Variants in SLC35F3 observed in about 807,000 individuals in gnomAD.
SLC35F3 encodes the protein putative thiamine transporter SLC35F3.
SLC35F3 carries 25 observed loss-of-function variants against 49.9 expected under a neutral mutation model. The ratio of observed to expected loss-of-function variants is 0.50; its 90% confidence interval spans 0.37 to 0.70. SLC35F3 has a LOEUF of 0.70. SLC35F3 is among the 30% of genes least tolerant of loss of function. SLC35F3 has a pLI of 0.00. For synonymous variants in SLC35F3, 275 were observed against 265.4 expected, an observed-to-expected ratio of 1.04 and a Z score of -0.35; for missense variants, 525 against 639.8, an observed-to-expected ratio of 0.82 and a Z score of 1.94.
chr1:234,149,286 T>C (rs1474628988), intron 2 of SLC35F3, among the ~76,000 whole-genome samples: 2 of 152,272 alleles, frequency 1.3e-5, no homozygotes, highest in South Asian at 2.1e-4. Context: ...GGTAGGAAAT[T>C]AGACAAAGTG....
chr1:234,159,534 A>G (rs1666197490), intron 2 of SLC35F3, among the ~76,000 whole-genome samples: 1 of 152,054 alleles, frequency 6.6e-6, no homozygotes, highest in Non-Finnish European at 1.5e-5. Flanking sequence ...CCGAGATCAC[A>G]CCACTGCACT....
chr1:233,933,097 A>G (rs2102794753), intron 2 of SLC35F3, among the ~76,000 whole-genome samples: 1 of 151,514 alleles, frequency 6.6e-6, no homozygotes, highest in Non-Finnish European at 1.5e-5. Flanking sequence ...TATATGCTAT[A>G]CCATTCCTTG....
intron 2 of SLC35F3, 106 bp downstream of exon 2, chr1:233,905,864 C>A: frequency 9.4e-7 from 1 of 1,058,638 alleles, no homozygotes; most frequent in Non-Finnish European, 1.4e-6. Flanking sequence ...CACCCCCTCC[C>A]GCCCTGCCTG....
intron 2 of SLC35F3, among the ~76,000 whole-genome samples, chr1:234,171,972 C>T (rs913645343): frequency 2.6e-5 from 4 of 152,120 alleles, no homozygotes; most frequent in Non-Finnish European, 5.9e-5. Context: ...GCCCTACTTC[C>T]CCAACCCCAG....
At chr1:233,998,022 G>C (rs1029473295) in intron 2 of SLC35F3, among the ~76,000 whole-genome samples, 2 of 152,126 alleles carry the variant, frequency 1.3e-5, no homozygotes, top group Admixed American at 1.3e-4. Flanking sequence ...AAAGTGCTGG[G>C]ATTATAGGAG....
chr1:234,173,044 C>T (rs998503725), intron 2 of SLC35F3, among the ~76,000 whole-genome samples: 1 of 152,104 alleles, frequency 6.6e-6, no homozygotes, highest in African/African-American at 2.4e-5. Context: ...GATAACAGAC[C>T]TATTCAGATT....
chr1:233,912,537 CT>C (rs1405784142), intron 2 of SLC35F3, among the ~76,000 whole-genome samples: 2 of 152,146 alleles, frequency 1.3e-5, no homozygotes. Context: ...AATAGAACTA[CT>C]TTCTAGGATT....
At position 233,965,032 on chromosome 1, in the gene SLC35F3, C is replaced by T. The variant is rs183093625; in HGVS notation, c.283+59274C>T. Among the ~76,000 whole-genome samples, 22 of 152,232 alleles carry T rather than the reference C, an allele frequency of 1.4e-4. No homozygotes were observed. The East Asian group carries it at 4.2e-3, about 29-fold the overall frequency. On this transcript the variant is annotated intron_variant, in intron 2 of 7. Transcript: ENST00000366618. ...GTTGTCATTGCAATTGGACTCAGAACATTAGGGGCCTGGAGAAAGAAATAC... is the reference window on the plus strand; with the variant it reads ...GTTGTCATTGCAATTGGACTCAGAATATTAGGGGCCTGGAGAAAGAAATAC...
At chr1:234,236,925 T>TTTTATA (rs1553317673) in intron 3 of SLC35F3, among the ~76,000 whole-genome samples, 8 of 96,294 alleles carry the variant, frequency 8.3e-5, no homozygotes, top group East Asian at 5.2e-4. Context: ...AAAAAAAAAA[T>TTTTATA]TATATATATA....
chr1:234,257,853 C>A (rs1054950502), intron 3 of SLC35F3, among the ~76,000 whole-genome samples: 16 of 152,178 alleles, frequency 1.1e-4, no homozygotes, highest in African/African-American at 3.9e-4. Flanking sequence ...GGAGATTTAA[C>A]AAGCATTCCT....
rs747006467 is a variant in SLC35F3 at position 234,152,211 on chromosome 1, C to CATTATTATTATTGTT, written c.284-79194_284-79193insGTTATTATTATTATT. Among the ~76,000 whole-genome samples the CATTATTATTATTGTT allele has an allele frequency of 3.4e-3, 484 of 142,614 alleles. 3 individuals are homozygous for CATTATTATTATTGTT. The highest frequency in any genetic ancestry group is 0.014 in the South Asian group (62 of 4,556). The allele number at this position is 142,614 out of a possible 152,430, so 93.6% of individuals were successfully genotyped here. A position where few individuals can be genotyped will look rare whatever the true frequency, so the allele number is the denominator to read the frequency against. On this transcript the variant is annotated intron_variant, in intron 2 of 7. Transcript: ENST00000366618. ...GCAGTGCTAAAAGAAAATGGAGTAA[C>CATTATTATTATTGTT]ATTATTATTATTATTGTTATTATTA...
chr1:234,208,167 A>C (rs550995996), intron 2 of SLC35F3, among the ~76,000 whole-genome samples: 1 of 152,352 alleles, frequency 6.6e-6, no homozygotes, highest in East Asian at 1.9e-4. Flanking sequence ...TTCAAACTCA[A>C]GATGTTGGCT....
chr1:234,008,478 T>A (rs1261175606), intron 2 of SLC35F3, among the ~76,000 whole-genome samples: 4 of 152,196 alleles, frequency 2.6e-5, no homozygotes, highest in African/African-American at 9.6e-5. Context: ...TTTTCTCTTC[T>A]TTTTGTCCTT....
intron 2 of SLC35F3, among the ~76,000 whole-genome samples, chr1:234,224,846 T>C (rs774228459): frequency 2.6e-5 from 4 of 152,258 alleles, no homozygotes; most frequent in Non-Finnish European, 5.9e-5. Context: ...ATGTAACATC[T>C]ACTGGCAGAG....
At chr1:234,233,665 C>T (rs1489887625) in intron 3 of SLC35F3, among the ~76,000 whole-genome samples, 1 of 152,236 alleles carries the variant, frequency 6.6e-6, no homozygotes, top group Non-Finnish European at 1.5e-5. Flanking sequence ...ACCTTGATTT[C>T]AACCTATTGT....
intron 3 of SLC35F3, chr1:234,285,193 A>G (rs753459132): frequency 1.1e-5 from 4 of 368,684 alleles, no homozygotes; most frequent in Non-Finnish European, 2.1e-5. Flanking sequence ...CACTACGTGT[A>G]GACTCATGCA....
intron 6 of SLC35F3, among the ~76,000 whole-genome samples, chr1:234,319,849 C>T (rs958548859): frequency 1.3e-5 from 2 of 152,188 alleles, no homozygotes; most frequent in Non-Finnish European, 2.9e-5. Context: ...TCAGTGGTTA[C>T]CATTTCCAAA....
chr1:234,321,679 C>A (rs771305567), intron 7 of SLC35F3, among the ~76,000 whole-genome samples: 3 of 152,102 alleles, frequency 2.0e-5, no homozygotes, highest in Non-Finnish European at 4.4e-5. Context: ...TACTTACCTG[C>A]AACATAAAAG....
intron 2 of SLC35F3, among the ~76,000 whole-genome samples, chr1:233,994,207 A>T (rs1325680988): frequency 6.6e-6 from 1 of 152,186 alleles, no homozygotes; most frequent in Admixed American, 6.5e-5. Flanking sequence ...AGATAGATAA[A>T]ATCGTATGAG....
Sources: allele counts gnomAD v4.1 joint callset (sites outside exome capture counted in the v4.1 genomes callset), GRCh38; gene constraint gnomAD v4.1.1; transcripts MANE v1.5; gene names NCBI Gene and HGNC (gene_info 2026-07-23, HGNC 2026-07-21).